Variants in HPCAL1 observed in about 807,000 individuals in gnomAD.
HPCAL1 encodes hippocalcin-like protein 1.
Under a neutral mutation model 17.1 loss-of-function variants are expected in HPCAL1, and 8 were observed. The observed-to-expected ratio is 0.47, with a 90% CI of 0.27 to 0.84. The LOEUF is 0.84. Ranked by LOEUF, HPCAL1 falls within the 40% of genes least tolerant of loss-of-function variation. The pLI, the probability that HPCAL1 is intolerant of heterozygous loss-of-function variation, is 0.13. For synonymous variants in HPCAL1, 112 were observed against 111.4 expected (o/e 1.01, Z -0.03); for missense variants, 165 against 271.1 (o/e 0.61, Z 2.75).
intron 1 of HPCAL1, among the ~76,000 whole-genome samples, chr2:10,364,517 TC>T (rs1443403209): frequency 6.6e-6 from 1 of 151,688 alleles, no homozygotes; most frequent in East Asian, 1.9e-4. Context: ...CCTCGCTGCT[TC>T]CCTCGGGATG....
Position 10,359,594 on chromosome 2 carries a change from T to TTGAGGGCC in HPCAL1, c.-110-37238_-110-37231dup, listed in dbSNP as rs1174026747. 6.6e-6 allele frequency among the ~76,000 whole-genome samples: 1 copy of TTGAGGGCC among 152,164 alleles called. No individual in the cohort carries two copies. The highest frequency in any genetic ancestry group is 2.4e-5 in the African/African-American group (1 of 41,440). On this transcript the variant is annotated intron_variant, in intron 1 of 4. Transcript: ENST00000307845. The surrounding 1 kb of genome is among the most constrained non-coding windows in gnomAD (Gnocchi z 4.1). ...GGATGAAGTCAGGGCTCTGGCCTCATTGAGGGCCTGGAACTCTTTAGAGCC... is the reference window on the plus strand; with the variant it reads ...GGATGAAGTCAGGGCTCTGGCCTCATTGAGGGCCTGAGGGCCTGGAACTCTTTAGAGCC...
At chr2:10,415,907 G>A (rs1029103310) in intron 2 of HPCAL1, among the ~76,000 whole-genome samples, 22 of 152,196 alleles carry the variant, frequency 1.4e-4, no homozygotes, top group Non-Finnish European at 2.6e-4. Context: ...GCGTGTGTAC[G>A]TCTTTGCTGA....
intron 1 of HPCAL1, among the ~76,000 whole-genome samples, chr2:10,366,527 C>T (rs556271359): frequency 1.3e-5 from 2 of 152,294 alleles, no homozygotes; most frequent in African/African-American, 2.4e-5. Flanking sequence ...TGAGCCACCA[C>T]GCCTGGCCCC....
rs527660096 is a variant in HPCAL1, at chr2:10,365,889, A to C, written c.-110-30946A>C. ...CTGCTGGGTGCTGAGCCCACACCGC[A>C]TGTCCTCGGCCTCCCATTGAGATCA... On this transcript the variant is annotated intron_variant, in intron 1 of 4. Transcript: ENST00000307845. The surrounding 1 kb of genome is among the most constrained non-coding windows in gnomAD (Gnocchi z 4.8). Among the ~76,000 whole-genome samples the C allele has an allele frequency of 5.3e-4, 81 of 152,200 alleles. No homozygotes were observed. Among genetic ancestry groups the C allele is most frequent in the African/African-American group, 1.9e-3 (77 of 41,538 alleles).
chr2:10,389,230 C>G (rs1668530190), intron 1 of HPCAL1, among the ~76,000 whole-genome samples: 1 of 152,198 alleles, frequency 6.6e-6, no homozygotes, highest in Non-Finnish European at 1.5e-5. Context: ...TCTGCATAAT[C>G]CACCCCCTAA....
intron 1 of HPCAL1, among the ~76,000 whole-genome samples, chr2:10,389,978 A>T (rs557367727): frequency 1.3e-5 from 2 of 152,370 alleles, no homozygotes; most frequent in African/African-American, 4.8e-5. Context: ...AAGTGGTCAT[A>T]GACAGTAGAT....
chr2:10,313,483 G>C (rs1392040720), intron 1 of HPCAL1, among the ~76,000 whole-genome samples: 1 of 152,262 alleles, frequency 6.6e-6, no homozygotes, highest in African/African-American at 2.4e-5. Flanking sequence ...GCAGGTCTGA[G>C]TGGCTAGGTC....
rs142776010 is a variant in HPCAL1 at position 10,420,624 on chromosome 2, A to G, written c.378+489A>G. On this transcript the variant is annotated intron_variant, in intron 3 of 4. Coordinates refer to ENST00000307845, the MANE Select transcript of HPCAL1 (RefSeq NM_002149.4). The stretch of plus-strand genomic sequence containing the variant: ...TTGCAAAGGGCAATGGTAAAAGCCA[A>G]TGTTTATTGATCACTTGCTATACAT... Among the ~76,000 whole-genome samples the G allele has an allele frequency of 1.8e-3, 269 of 152,348 alleles. 2 individuals carry two copies. The East Asian group carries it at 0.018, about 10-fold the overall frequency.
rs1221560255 is a variant in HPCAL1 at position 10,354,639 on chromosome 2, A to G, written c.-110-42196A>G. ...TGGCTGTGCTTCTCACATTCTTTCC[A>G]TTGTCCGACGCACTGAGGCAGAGAC... On this transcript the variant is annotated intron_variant, in intron 1 of 4. Coordinates refer to ENST00000307845, the MANE Select transcript of HPCAL1 (RefSeq NM_002149.4). This position sits in a 1 kb window ranked among gnomAD's most constrained non-coding sequence, Gnocchi z 5.1. Among the ~76,000 whole-genome samples the G allele has an allele frequency of 1.3e-5, 2 of 152,068 alleles. No homozygotes were observed. Among genetic ancestry groups the G allele is most frequent in the East Asian group, 1.9e-4 (1 of 5,178 alleles).
chr2:10,326,521 C>T (rs1664029617), intron 1 of HPCAL1, among the ~76,000 whole-genome samples: 1 of 152,194 alleles, frequency 6.6e-6, no homozygotes, highest in African/African-American at 2.4e-5. Flanking sequence ...TGCGTGCTGG[C>T]CTGCCTGCCT....
chr2:10,409,575 G>A (rs1670198672), intron 2 of HPCAL1, among the ~76,000 whole-genome samples: 1 of 152,090 alleles, frequency 6.6e-6, no homozygotes, highest in African/African-American at 2.4e-5. Context: ...TGGGTCCAGC[G>A]GTCACCGGGA....
intron 1 of HPCAL1, among the ~76,000 whole-genome samples, chr2:10,393,002 C>T (rs1450552115): frequency 2.0e-5 from 3 of 152,224 alleles, no homozygotes; most frequent in Non-Finnish European, 4.4e-5. Flanking sequence ...AGCACCCTAC[C>T]CTAAGGTGTG....
rs11686603 is a variant in HPCAL1 at position 10,407,754 on chromosome 2, T to A, written c.-25+10834T>A. 3.9e-3 allele frequency among the ~76,000 whole-genome samples: 588 copies of A among 152,304 alleles called. 7 individuals carry two copies. The highest frequency in any genetic ancestry group is 0.014 in the African/African-American group (567 of 41,566). On this transcript the variant is annotated intron_variant, in intron 2 of 4. Transcript: ENST00000307845. Reference sequence around the variant, plus strand: ...GGAAGAGCAGACAGGTGGAGGGAACTGCAGGTGCGAAGGCCCTGAGGCTGG... The same window carrying A: ...GGAAGAGCAGACAGGTGGAGGGAACAGCAGGTGCGAAGGCCCTGAGGCTGG...
chr2:10,309,648 A>ATG (rs1178202919), intron 1 of HPCAL1, among the ~76,000 whole-genome samples: 7 of 151,968 alleles, frequency 4.6e-5, no homozygotes, highest in Non-Finnish European at 2.9e-5. Flanking sequence ...GGTTCAAGCA[A>ATG]TGTGTGTGTG....
rs1416150243 is a variant in HPCAL1 at position 10,342,272 on chromosome 2, C to G, written c.-111+39095C>G. On this transcript the variant is annotated intron_variant, in intron 1 of 4. Transcript: ENST00000307845. This position sits in a 1 kb window ranked among gnomAD's most constrained non-coding sequence, Gnocchi z 4.1. ...TTCCTTGCTGAGTGGTTATCATTAA[C>G]CTGTTGAATAAGCAACAGGCCGAGG... Among the ~76,000 whole-genome samples, 1 of 152,174 alleles carries G rather than the reference C, an allele frequency of 6.6e-6. No individual in the cohort carries two copies. The highest frequency in any genetic ancestry group is 1.5e-5 in the Non-Finnish European group (1 of 68,032).
Position 10,395,963 on chromosome 2 carries a change from C to T in HPCAL1, c.-110-872C>T, listed in dbSNP as rs571554827. 6.6e-6 allele frequency among the ~76,000 whole-genome samples: 1 copy of T among 152,232 alleles called. No homozygotes were observed. The highest frequency in any genetic ancestry group is 1.5e-5 in the Non-Finnish European group (1 of 68,010). Reference sequence around the variant, plus strand: ...ATATGTACCAGAGGCTGCAGGTTCACGGAGGAGGAGTCACCAATCCATGCC... The same window carrying T: ...ATATGTACCAGAGGCTGCAGGTTCATGGAGGAGGAGTCACCAATCCATGCC... On this transcript the variant is annotated intron_variant, in intron 1 of 4. Transcript: ENST00000307845. The surrounding 1 kb of genome is among the most constrained non-coding windows in gnomAD (Gnocchi z 4.4).
chr2:10,417,181 G>A (rs1670725748), intron 2 of HPCAL1, among the ~76,000 whole-genome samples: 1 of 152,014 alleles, frequency 6.6e-6, no homozygotes, highest in African/African-American at 2.4e-5. Flanking sequence ...TGGCCAACAT[G>A]GTGAAACCCC....
intron 2 of HPCAL1, chr2:10,408,501 C>A (rs1358206639): frequency 1.3e-5 from 2 of 152,212 alleles, no homozygotes; most frequent in African/African-American, 4.8e-5. Flanking sequence ...GCAGGCACGC[C>A]CTGGAACTGT....
chr2:10,414,641 A>G (rs1447379832), intron 2 of HPCAL1, among the ~76,000 whole-genome samples: 1 of 152,124 alleles, frequency 6.6e-6, no homozygotes, highest in Non-Finnish European at 1.5e-5. Flanking sequence ...GGACTTTAAC[A>G]TGGGAATTTG....
Sources: gnomAD v4.1 joint callset for allele counts (sites outside exome capture counted in the v4.1 genomes callset) on GRCh38, gnomAD v4.1.1 for gene constraint, Gnocchi (gnomAD v3.1) non-coding constraint, MANE v1.5 for transcripts, NCBI Gene and HGNC (gene_info 2026-07-23, HGNC 2026-07-21) for gene names.